The following SALL1 variants were observed in gnomAD, a reference collection of about 807,000 sequenced individuals.
SALL1 encodes sal-like protein 1.
In SALL1, 10 loss-of-function variants were observed where a neutral mutation model predicts 73.1. The observed-to-expected ratio is 0.14, with a 90% CI of 0.08 to 0.23. SALL1 has a LOEUF of 0.23. SALL1 is among the 10% of genes least tolerant of loss of function. The pLI is 1.00. For synonymous variants in SALL1, 688 were observed against 689.8 expected, an observed-to-expected ratio of 1.00 and a Z score of 0.04; for missense variants, 1,520 against 1,697.3, an observed-to-expected ratio of 0.90 and a Z score of 1.84.
intron 1 of SALL1, chr16:51,150,303 G>A: frequency 2.6e-6 from 2 of 763,772 alleles, no homozygotes; most frequent in Non-Finnish European, 3.2e-6. Flanking sequence ...CCGCAAACCT[G>A]GAAAACTATT....
Position 51,139,742 on chromosome 16 carries a change from T to C in SALL1, c.2480A>G (p.Glu827Gly). Residue 827 changes from glutamate to glycine, a missense_variant, in exon 2 of 3, where the codon GAA becomes GGA. Transcript: ENST00000251020. ...NFDDLDNFSD[E>G]NMEDCPEGSI... ...GCCCTCAGGACAGTCTTCCATGTTT[T>C]CATCAGAGAAGTTGTCTAGGTCATC... is the stretch of plus-strand genomic sequence containing the variant. 1 of 1,614,218 alleles carries C rather than the reference T, an allele frequency of 6.2e-7. No homozygotes were observed. Among genetic ancestry groups the C allele is most frequent in the Non-Finnish European group, 8.5e-7 (1 of 1,180,042 alleles).
Position 51,140,969 on chromosome 16 carries a change from G to C in SALL1, c.1253C>G (p.Ser418Cys), listed in dbSNP as rs551859328. 5.0e-5 allele frequency: 81 copies of C among 1,614,096 alleles called. No homozygotes were observed. The highest frequency in any genetic ancestry group is 6.8e-5 in the Non-Finnish European group (80 of 1,180,054). The change falls in exon 2 of 3, where the codon TCC becomes TGC. Residue 418 changes from serine (S) to cysteine (C), a missense_variant. By Grantham distance (112) the Ser-to-Cys change is moderately radical. Transcript: ENST00000251020. This position sits in a 1 kb window ranked among gnomAD's most constrained non-coding sequence, Gnocchi z 5.7. Reference sequence around the variant, plus strand: ...TCTTTGCTGGGCCAAGGCAGACAAGGAGTTTAAATCCTCTGCAGTTGTTCC... The same window carrying C: ...TCTTTGCTGGGCCAAGGCAGACAAGCAGTTTAAATCCTCTGCAGTTGTTCC... ...NIGTTAEDLN[S>C]LSALAQQRKS...
At chr16:51,143,397 C>T in intron 1 of SALL1, 1 of 353,862 alleles carries the variant, frequency 2.8e-6, no homozygotes, top group South Asian at 2.1e-5. Flanking sequence ...GGTGTGTGGT[C>T]ATCTACGAAG....
In SALL1 at chr16:51,141,426, T is replaced by C. The variant is rs201952707; in HGVS notation, c.796A>G (p.Thr266Ala). The C allele has an allele frequency of 2.5e-6, 4 of 1,614,178 alleles. No homozygotes were observed. In the East Asian group the frequency reaches 6.7e-5, roughly 27 times the overall value. Residue 266 changes from threonine (T) to alanine (A), a missense_variant, in exon 2 of 3, where the codon ACA (threonine) becomes GCA (alanine). By Grantham distance (58) the Thr-to-Ala change is moderately conservative. This residue lies in a region of SALL1 where 540 missense variants were observed against 567.5 expected (regional missense o/e 0.95). Transcript: ENST00000251020. The surrounding 1 kb of genome is among the most constrained non-coding windows in gnomAD (Gnocchi z 5.4). ...LLASQNADLP[T>A]SSSPSQGTLR... ...GTACCTTGAGAAGGACTAGAAGATG[T>C]TGGCAAGTCTGCATTCTGAGAAGCC... is the stretch of plus-strand genomic sequence containing the variant.
chr16:51,152,286 C>G (rs1448774147), upstream of SALL1: 1 of 152,536 alleles, frequency 6.6e-6, no homozygotes, highest in African/African-American at 2.4e-5. Context: ...CTCCCTCGCT[C>G]CCTTTCTCTA....
chr16:51,137,531 A>T lies in SALL1; in HGVS notation c.3556T>A (p.Trp1186Arg). 6.2e-7 allele frequency: 1 copy of T among 1,613,592 alleles called. No individual in the cohort carries two copies. The highest frequency in any genetic ancestry group is 8.5e-7 in the Non-Finnish European group (1 of 1,179,902). ...NLKVHMGTHM[W>R]NSTPARRGRR... is the part of the protein sequence containing the mutation. Reference sequence around the variant, plus strand: ...CCCCGTCGTGCAGGGGTGCTATTCCACATGTGAGTGCCCATGTGTACCTGA... The same window carrying T: ...CCCCGTCGTGCAGGGGTGCTATTCCTCATGTGAGTGCCCATGTGTACCTGA... Residue 1186 changes from tryptophan (W) to arginine (R), a missense_variant, in exon 3 of 3, where the codon TGG becomes AGG. By Grantham distance (101) the Trp-to-Arg change is moderately radical. This residue lies in a region of SALL1 where 318 missense variants were observed against 357.1 expected (regional missense o/e 0.89). Transcript: ENST00000251020.
chr16:51,145,345 G>T (rs935647400), intron 1 of SALL1, among the ~76,000 whole-genome samples: 1 of 152,050 alleles, frequency 6.6e-6, no homozygotes, highest in Non-Finnish European at 1.5e-5. Flanking sequence ...CCCCATTATA[G>T]TAAATACAGT....
chr16:51,138,572 C>A lies in SALL1; in HGVS notation c.3534+116G>T, dbSNP rs894178110. On this transcript the variant is annotated intron_variant, in intron 2 of 2. Coordinates refer to ENST00000251020, the MANE Select transcript of SALL1 (RefSeq NM_002968.3). ...CAACCATGTGCAGCAGGTTCCCTTG[C>A]AAGAGCTCTCTCCCTGAATATCTGG... The A allele has an allele frequency of 1.4e-5, 19 of 1,354,546 alleles. No individual in the cohort carries two copies. In the African/African-American group the frequency reaches 2.6e-4, roughly 19 times the overall value. 83.9% of individuals were successfully genotyped at this position (1,354,546 alleles called of 1,614,324 possible).
Position 51,138,865 on chromosome 16 carries a change from G to A in SALL1, c.3357C>T (p.Ser1119=), listed in dbSNP as rs1363763395. 6.2e-7 allele frequency: 1 copy of A among 1,614,224 alleles called. No individual in the cohort carries two copies. The highest frequency in any genetic ancestry group is 1.1e-5 in the South Asian group (1 of 91,086). The change falls in exon 2 of 3, where the codon TCC becomes TCT. Residue 1119 remains serine, a synonymous_variant. Transcript: ENST00000251020. The part of the protein sequence containing the change: ...PSGPLSSSAT[S]PVLLPALPRR... ...TGGGCAGAGCAGGGAGCAGAACTGGGGATGTGGCAGAGGAAGACAGAGGCC... is the reference window on the plus strand; with the variant it reads ...TGGGCAGAGCAGGGAGCAGAACTGGAGATGTGGCAGAGGAAGACAGAGGCC...
intron 1 of SALL1, among the ~76,000 whole-genome samples, chr16:51,148,012 C>T (rs1962544298): frequency 6.6e-6 from 1 of 152,192 alleles, no homozygotes; most frequent in Admixed American, 6.5e-5. Flanking sequence ...TCATATTTGC[C>T]ATAATCTTGG....
chr16:51,148,773 A>G lies in SALL1; in HGVS notation c.76+2393T>C, dbSNP rs112558536. On this transcript the variant is annotated intron_variant, in intron 1 of 2. Transcript: ENST00000251020. Reference sequence around the variant, plus strand: ...TTACTTGTGTACTAATATTATTACAACACACTAAATCCTGAAACCCTATTA... The same window carrying G: ...TTACTTGTGTACTAATATTATTACAGCACACTAAATCCTGAAACCCTATTA... Among the ~76,000 whole-genome samples the G allele has an allele frequency of 3.7e-3, 557 of 152,332 alleles. 1 individual carries two copies. The highest frequency in any genetic ancestry group is 0.013 in the African/African-American group (526 of 41,562).
At position 51,140,859 on chromosome 16, in the gene SALL1, C is replaced by T. The variant is rs780538500; in HGVS notation, c.1363G>A (p.Ala455Thr). ...AFFKHKCRFCAKVFGSDSALQ... is the reference protein window; with the variant it reads ...AFFKHKCRFCTKVFGSDSALQ... ...GCACTGTCACTCCCAAAGACCTTCG[C>T]GCAGAACCTGCACTTGTGTTTGAAG... Residue 455 changes from alanine (A) to threonine (T), a missense_variant, in exon 2 of 3, where the codon GCG (alanine) becomes ACG (threonine). By Grantham distance (58) the Ala-to-Thr change is moderately conservative. Around this residue, in one of 7 missense-constraint regions of SALL1, gnomAD observed 21 missense variants for 69.3 expected, o/e 0.30. Transcript: ENST00000251020. The surrounding 1 kb of genome is among the most constrained non-coding windows in gnomAD (Gnocchi z 5.7). 2.2e-5 allele frequency: 35 copies of T among 1,614,200 alleles called. No homozygotes were observed. The South Asian group carries it at 2.4e-4, about 11-fold the overall frequency.
chr16:51,140,291 G>T lies in SALL1; in HGVS notation c.1931C>A (p.Ser644Tyr). 6.2e-7 allele frequency: 1 copy of T among 1,614,142 alleles called. No individual in the cohort carries two copies. Among genetic ancestry groups the T allele is most frequent in the Non-Finnish European group, 8.5e-7 (1 of 1,180,048 alleles). Residue 644 changes from serine to tyrosine, a missense_variant, in exon 2 of 3, where the codon TCC becomes TAC. Physicochemically the swap from Ser to Tyr is moderately radical, Grantham distance 144. Around this residue, in one of 7 missense-constraint regions of SALL1, gnomAD observed 276 missense variants for 259.1 expected, o/e 1.07. Transcript: ENST00000251020. The surrounding 1 kb of genome is among the most constrained non-coding windows in gnomAD (Gnocchi z 5.7). Reference sequence around the variant, plus strand: ...CGCGGGGCCGCAGTCTGCCGCTGGGGAGCTCAGGACGCTACTGCTCGCCGT... The same window carrying T: ...CGCGGGGCCGCAGTCTGCCGCTGGGTAGCTCAGGACGCTACTGCTCGCCGT... The part of the protein sequence containing the change: ...VPTASSSVLS[S>Y]PAADCGPAGS...
At chr16:51,150,945 C>G (rs983358854) in intron 1 of SALL1, 38 of 412,424 alleles carry the variant, frequency 9.2e-5, no homozygotes, top group Non-Finnish European at 1.5e-4. Flanking sequence ...AAGATCCTGC[C>G]GGGAGATGTG....
At chr16:51,147,347 A>T (rs1157031243) in intron 1 of SALL1, among the ~76,000 whole-genome samples, 1 of 152,248 alleles carries the variant, frequency 6.6e-6, no homozygotes, top group Admixed American at 6.5e-5. Flanking sequence ...TCACAAAAAA[A>T]ACAGTTTGCA....
At chr16:51,149,329 A>G (rs1208787475) in intron 1 of SALL1, 1 of 152,150 alleles carries the variant, frequency 6.6e-6, no homozygotes, top group Non-Finnish European at 1.5e-5. Flanking sequence ...TCTTATCTCT[A>G]GTTTGCTTTT....
In SALL1 at chr16:51,140,779, G is replaced by A; in HGVS notation, c.1443C>T (p.Ile481=). The change falls in exon 2 of 3, where the codon ATC becomes ATT. Residue 481 remains isoleucine, a synonymous_variant. Transcript: ENST00000251020. The surrounding 1 kb of genome is among the most constrained non-coding windows in gnomAD (Gnocchi z 5.7). ...HTGERPFKCN[I]CGNRFSTKGN... ...CCTTGGTGGAGAACCTGTTCCCGCA[G>A]ATGTTGCACTTGAATGGCCTCTCTC... The A allele has an allele frequency of 6.2e-7, 1 of 1,614,242 alleles. No homozygotes were observed. Among genetic ancestry groups the A allele is most frequent in the Non-Finnish European group, 8.5e-7 (1 of 1,180,048 alleles).
In SALL1 at chr16:51,140,330, G is replaced by A. The variant is rs768794489; in HGVS notation, c.1892C>T (p.Thr631Ile). ...GGKSEESGMV[T>I]NSVPTASSSV... The stretch of plus-strand genomic sequence containing the variant: ...ACTGCTCGCCGTCGGGACTGAGTTG[G>A]TGACCATGCCACTCTCTTCGCTTTT... Residue 631 changes from threonine (T) to isoleucine (I), a missense_variant, in exon 2 of 3, where the codon ACC (threonine) becomes ATC (isoleucine). This residue lies in a region of SALL1 where 276 missense variants were observed against 259.1 expected (regional missense o/e 1.07). Transcript: ENST00000251020. This position sits in a 1 kb window ranked among gnomAD's most constrained non-coding sequence, Gnocchi z 5.7. The A allele has an allele frequency of 1.4e-5, 23 of 1,614,100 alleles. No individual in the cohort carries two copies. Among genetic ancestry groups the A allele is most frequent in the Non-Finnish European group, 1.9e-5 (22 of 1,180,030 alleles).
At chr16:51,149,875 C>A (rs568880739) in intron 1 of SALL1, 1 of 152,128 alleles carries the variant, frequency 6.6e-6, no homozygotes, top group Non-Finnish European at 1.5e-5. Flanking sequence ...CTGTCGGGGC[C>A]CAGCTCCCTC....
Sources: gnomAD v4.1 joint callset for allele counts (sites outside exome capture counted in the v4.1 genomes callset) on GRCh38, gnomAD v4.1.1 for gene constraint, gnomAD v4.1.1 regional missense constraint, Gnocchi (gnomAD v3.1) non-coding constraint, MANE v1.5 for transcripts, NCBI Gene and HGNC (gene_info 2026-07-23, HGNC 2026-07-21) for gene names.